Variants in CCDC144A observed in about 807,000 individuals in gnomAD.
The protein encoded by CCDC144A is coiled-coil domain-containing protein 144A.
CCDC144A carries 41 observed loss-of-function variants against 143.8 expected under a neutral mutation model. The observed-to-expected ratio is 0.29, with a 90% CI of 0.22 to 0.37. The LOEUF is 0.37. Ranked by LOEUF, CCDC144A falls within the 10% of genes least tolerant of loss-of-function variation. CCDC144A has a pLI of 1.00. For synonymous variants in CCDC144A, 242 were observed against 517.9 expected, an observed-to-expected ratio of 0.47 and a Z score of 7.23; for missense variants, 637 against 1,488.8, an observed-to-expected ratio of 0.43 and a Z score of 9.41.
In CCDC144A at chr17:16,777,125, TATA is replaced by T. The variant is rs1346752715; in HGVS notation, c.*3495_*3497del. On this transcript the variant is annotated 3_prime_UTR_variant, in exon 17 of 17. Coordinates refer to ENST00000399273, the MANE Select transcript of CCDC144A (RefSeq NM_001382000.1). ...TTTAAAAAGACAAAGAGGGACATTA[TATA>T]ATGATAAAAGGACTAGTTCAACAGG... 39 of 139,998 alleles carry T rather than the reference TATA, an allele frequency of 2.8e-4. No individual in the cohort carries two copies. The highest frequency in any genetic ancestry group is 1.1e-3 in the African/African-American group (38 of 35,946). The allele number at this position is 139,998 out of a possible 1,614,324, so 8.7% of individuals were successfully genotyped here. A position where few individuals can be genotyped will look rare whatever the true frequency, so the allele number is the denominator to read the frequency against.
the CCDC144A span, among the ~76,000 whole-genome samples, chr17:16,667,424 G>A: frequency 2.0e-4 from 30 of 151,874 alleles, no homozygotes; most frequent in African/African-American, 7.0e-4. Context: ...CGGCTGACGC[G>A]GCTGAAGGGA....
intron 15 of CCDC144A, among the ~76,000 whole-genome samples, 192 bp from the exon 16 acceptor site, chr17:16,771,785 T>C (rs1237086473): frequency 6.6e-6 from 1 of 152,270 alleles, no homozygotes. Context: ...CTAAACAGCA[T>C]AACACATATA....
At chr17:16,679,036 G>A in the CCDC144A span, among the ~76,000 whole-genome samples, 1 of 151,876 alleles carries the variant, frequency 6.6e-6, no homozygotes, top group Non-Finnish European at 1.5e-5. Flanking sequence ...TTACAGGCGT[G>A]AGCCACTGCG....
At chr17:16,734,474 A>AT (rs1347582232) in intron 11 of CCDC144A, among the ~76,000 whole-genome samples, 38 of 152,124 alleles carry the variant, frequency 2.5e-4, no homozygotes, top group African/African-American at 9.2e-4. Flanking sequence ...TTCTCTAGTT[A>AT]TTTATGTTCT....
intron 8 of CCDC144A, among the ~76,000 whole-genome samples, chr17:16,723,945 C>T (rs1476985806): frequency 1.3e-5 from 2 of 151,858 alleles, no homozygotes; most frequent in Non-Finnish European, 2.9e-5. Flanking sequence ...AAGTCAAGAC[C>T]ATTGACTTGA....
intron 8 of CCDC144A, among the ~76,000 whole-genome samples, chr17:16,722,276 C>A (rs1036626383): frequency 2.6e-5 from 4 of 152,122 alleles, no homozygotes; most frequent in South Asian, 2.1e-4. Context: ...TAGGGATAAA[C>A]CCCACTTGTT....
At chr17:16,752,270 C>G (rs1219557663) in intron 12 of CCDC144A, among the ~76,000 whole-genome samples, 1 of 152,174 alleles carries the variant, frequency 6.6e-6, no homozygotes, top group Non-Finnish European at 1.5e-5. Flanking sequence ...TTATGAGAAT[C>G]TAATGCCTGA....
In CCDC144A at chr17:16,690,567, A is replaced by C. The variant is rs564701836; in HGVS notation, c.167A>C (p.Asn56Thr). The C allele has an allele frequency of 6.2e-7, 1 of 1,613,702 alleles. No homozygotes were observed. Among genetic ancestry groups the C allele is most frequent in the Admixed American group, 1.7e-5 (1 of 60,010 alleles). The change falls in exon 1 of 17, where the codon AAC becomes ACC. Residue 56 changes from asparagine to threonine, a missense_variant. Asn to Thr is a moderately conservative substitution (Grantham distance 65). Transcript: ENST00000399273. ...GGCTTCCCCTACAGCTGGTGGAAAA[A>C]CAGCGTCGGCAGCGAGAGCAAGCAC... Reference protein sequence around the residue: ...SSGFPYSWWKNSVGSESKHGE... With the variant: ...SSGFPYSWWKTSVGSESKHGE...
the CCDC144A span, among the ~76,000 whole-genome samples, chr17:16,670,491 C>A: frequency 6.6e-6 from 1 of 150,718 alleles, no homozygotes; most frequent in Admixed American, 6.6e-5. Flanking sequence ...AATGATAACA[C>A]TAGGAAGACC....
intron 6 of CCDC144A, among the ~76,000 whole-genome samples, chr17:16,712,995 G>A (rs1015414285): frequency 6.6e-6 from 1 of 151,460 alleles, no homozygotes; most frequent in African/African-American, 2.4e-5. Flanking sequence ...ATGTGTGAGT[G>A]CTGAAATACC....
At chr17:16,672,933 T>C in the CCDC144A span, among the ~76,000 whole-genome samples, 1 of 152,082 alleles carries the variant, frequency 6.6e-6, no homozygotes, top group Admixed American at 6.6e-5. Context: ...CAGATACAGA[T>C]GATAGAGATA....
chr17:16,702,152 C>G (rs1911770822), intron 2 of CCDC144A, among the ~76,000 whole-genome samples: 1 of 152,084 alleles, frequency 6.6e-6, no homozygotes, highest in East Asian at 1.9e-4. Context: ...GAGAGAGTAA[C>G]AACTGTTGGC....
chr17:16,683,706 G>A, the CCDC144A span: 6 of 1,598,162 alleles, frequency 3.8e-6, no homozygotes, highest in African/African-American at 5.4e-5. Flanking sequence ...ACAAGAATCG[G>A]AGACGAAAGC....
chr17:16,698,217 G>A (rs530370515), intron 2 of CCDC144A, among the ~76,000 whole-genome samples: 26 of 152,122 alleles, frequency 1.7e-4, no homozygotes, highest in Non-Finnish European at 3.8e-4. Flanking sequence ...AGAGGAATTA[G>A]GAAAGAAGCC....
rs1477355757 is a variant in CCDC144A, at chr17:16,709,319, T to G, written c.1262T>G (p.Phe421Cys). ...CATATTTTTAGTACAGATAAGAACT[T>G]TCATAATGATGCAAGCACTAAGAAA... The part of the protein sequence containing the change: ...IGHIFSTDKN[F>C]HNDASTKKAR... The change falls in exon 5 of 17, where the codon TTT (phenylalanine) becomes TGT (cysteine). Residue 421 changes from phenylalanine to cysteine, a missense_variant. By Grantham distance (205) the Phe-to-Cys change is radical. Coordinates refer to ENST00000399273, the MANE Select transcript of CCDC144A (RefSeq NM_001382000.1). 2 of 1,611,546 alleles carry G rather than the reference T, an allele frequency of 1.2e-6. No homozygotes were observed. The highest frequency in any genetic ancestry group is 8.5e-7 in the Non-Finnish European group (1 of 1,179,562).
chr17:16,772,815 G>GTATC, intron 16 of CCDC144A: 1 of 1,301,866 alleles, frequency 7.7e-7, no homozygotes, highest in Non-Finnish European at 1.0e-6. Flanking sequence ...ACCTGTCAGG[G>GTATC]TATCTATGAC....
upstream of CCDC144A, among the ~76,000 whole-genome samples, chr17:16,686,747 A>ACACAC (rs1910796273): frequency 2.1e-5 from 3 of 140,490 alleles, no homozygotes; most frequent in East Asian, 6.1e-4. Context: ...CACACACACA[A>ACACAC]ACACACACAC....
At chr17:16,699,540 C>T (rs1911615336) in intron 2 of CCDC144A, among the ~76,000 whole-genome samples, 2 of 36,726 alleles carry the variant, frequency 5.4e-5, no homozygotes, top group African/African-American at 1.1e-4. Flanking sequence ...CGCGCCCGGC[C>T]TGGACTTTTT....
chr17:16,713,548 G>T (rs1912569276), intron 6 of CCDC144A, among the ~76,000 whole-genome samples: 1 of 152,036 alleles, frequency 6.6e-6, no homozygotes, highest in South Asian at 2.1e-4. Flanking sequence ...AAATATTCTA[G>T]AATTAGATGA....
Sources: gnomAD v4.1 joint callset for allele counts (sites outside exome capture counted in the v4.1 genomes callset) on GRCh38, gnomAD v4.1.1 for gene constraint, MANE v1.5 for transcripts, NCBI Gene and HGNC (gene_info 2026-07-23, HGNC 2026-07-21) for gene names.